The following LRMDA variants were observed in gnomAD, a reference collection of about 807,000 sequenced individuals.
The protein encoded by LRMDA is leucine rich melanocyte differentiation associated, also known as leucine-rich melanocyte differentiation-associated protein.
LRMDA carries 18 observed loss-of-function variants against 29.8 expected under a neutral mutation model. The ratio of observed to expected loss-of-function variants is 0.60; its 90% CI spans 0.42 to 0.90. The LOEUF is 0.90. LRMDA is among the 40% of genes least tolerant of loss of function. LRMDA has a pLI of 0.00. For synonymous variants in LRMDA, 125 were observed against 109.4 expected (o/e 1.14, Z -0.89); for missense variants, 273 against 273.9 (o/e 1.00, Z 0.02).
At chr10:76,034,729 T>G (rs1848211585) in intron 2 of LRMDA, among the ~76,000 whole-genome samples, 2 of 152,168 alleles carry the variant, frequency 1.3e-5, no homozygotes, top group Non-Finnish European at 2.9e-5. Flanking sequence ...CACACGGGGC[T>G]GTAATGGAAG....
At chr10:75,869,701 T>C (rs1055924062) in intron 2 of LRMDA, among the ~76,000 whole-genome samples, 2 of 152,178 alleles carry the variant, frequency 1.3e-5, no homozygotes, top group African/African-American at 4.8e-5. Flanking sequence ...GTGTGAACTC[T>C]TCAGGTTGGC....
At chr10:76,144,688 T>C (rs992576896) in intron 5 of LRMDA, among the ~76,000 whole-genome samples, 38 of 152,174 alleles carry the variant, frequency 2.5e-4, no homozygotes, top group African/African-American at 8.7e-4. Flanking sequence ...CTTTATTTCC[T>C]TCTCCTGCCT....
intron 2 of LRMDA, among the ~76,000 whole-genome samples, chr10:75,894,056 G>T (rs558903260): frequency 3.3e-5 from 5 of 151,948 alleles, no homozygotes; most frequent in African/African-American, 1.2e-4. Flanking sequence ...TAAGTTATTG[G>T]GGGTACAGGT....
At chr10:75,825,181 G>C (rs891675287) in intron 2 of LRMDA, among the ~76,000 whole-genome samples, 5 of 152,110 alleles carry the variant, frequency 3.3e-5, no homozygotes, top group Non-Finnish European at 2.9e-5. Flanking sequence ...CCACTGGAGG[G>C]TAATCAGAGA....
At chr10:75,863,557 C>T (rs917791955) in intron 2 of LRMDA, among the ~76,000 whole-genome samples, 20 of 152,248 alleles carry the variant, frequency 1.3e-4, no homozygotes, top group Admixed American at 5.9e-4. Context: ...AGGTATTTAC[C>T]GCTCTGTGCT....
chr10:76,168,704 G>A (rs1850783691), intron 5 of LRMDA, among the ~76,000 whole-genome samples: 2 of 151,948 alleles, frequency 1.3e-5, no homozygotes, highest in Admixed American at 1.3e-4. Flanking sequence ...TGTATGATGA[G>A]TAGATGAAAG....
chr10:75,565,728 C>T (rs1840363798), intron 2 of LRMDA, among the ~76,000 whole-genome samples: 1 of 152,164 alleles, frequency 6.6e-6, no homozygotes. Context: ...TTGTGAAACT[C>T]TGTACTTCCT....
chr10:75,734,794 G>A (rs1183656270), intron 2 of LRMDA, among the ~76,000 whole-genome samples: 2 of 152,148 alleles, frequency 1.3e-5, no homozygotes, highest in Non-Finnish European at 2.9e-5. Flanking sequence ...GAGTGGCCAG[G>A]ACTGGGAGAA....
At chr10:76,434,715 A>G (rs1464703461) in intron 6 of LRMDA, among the ~76,000 whole-genome samples, 2 of 152,226 alleles carry the variant, frequency 1.3e-5, no homozygotes, top group African/African-American at 4.8e-5. Context: ...TGAGCTTTCC[A>G]TCTTCAAAGA....
intron 5 of LRMDA, among the ~76,000 whole-genome samples, chr10:76,086,907 G>A (rs2132085875): frequency 6.6e-6 from 1 of 152,318 alleles, no homozygotes; most frequent in Middle Eastern, 3.4e-3. Context: ...TGGGTGGAGA[G>A]GAAGAACATT....
intron 2 of LRMDA, among the ~76,000 whole-genome samples, chr10:75,876,828 C>G (rs942019968): frequency 1.3e-5 from 2 of 152,202 alleles, no homozygotes; most frequent in African/African-American, 4.8e-5. Context: ...TTGTGAAGCA[C>G]TTTAACACCA....
chr10:75,796,348 G>A (rs1843653266), intron 2 of LRMDA, among the ~76,000 whole-genome samples: 1 of 152,038 alleles, frequency 6.6e-6, no homozygotes, highest in Non-Finnish European at 1.5e-5. Flanking sequence ...ATCAACTTGA[G>A]GAAGTTCCCT....
intron 2 of LRMDA, among the ~76,000 whole-genome samples, chr10:75,840,748 G>T (rs1486546993): frequency 1.3e-5 from 2 of 152,200 alleles, no homozygotes; most frequent in Non-Finnish European, 2.9e-5. Context: ...TTTTACAGTT[G>T]CGCCTTTCTT....
chr10:76,094,029 G>T (rs1029325983), intron 5 of LRMDA, among the ~76,000 whole-genome samples: 3 of 152,178 alleles, frequency 2.0e-5, no homozygotes, highest in Non-Finnish European at 2.9e-5. Context: ...GTCCTCTGTA[G>T]TACTTTCACA....
At chr10:76,323,093 T>C (rs1219720002) in intron 5 of LRMDA, among the ~76,000 whole-genome samples, 2 of 152,146 alleles carry the variant, frequency 1.3e-5, no homozygotes, top group Admixed American at 1.3e-4. Flanking sequence ...CCAATAGCCT[T>C]GGATCCAAAT....
chr10:76,174,583 G>A (rs1850898474), intron 5 of LRMDA, among the ~76,000 whole-genome samples: 1 of 152,104 alleles, frequency 6.6e-6, no homozygotes, highest in African/African-American at 2.4e-5. Flanking sequence ...TTACTGTGAT[G>A]GGTAAGGAAA....
chr10:75,622,063 G>A (rs957292978), intron 2 of LRMDA, among the ~76,000 whole-genome samples: 2 of 152,278 alleles, frequency 1.3e-5, no homozygotes, highest in African/African-American at 4.8e-5. Flanking sequence ...GTTGGCAATT[G>A]CCTACAGCTC....
chr10:75,856,185 T>A (rs1294146161), intron 2 of LRMDA, among the ~76,000 whole-genome samples: 61 of 152,200 alleles, frequency 4.0e-4, no homozygotes, highest in Non-Finnish European at 2.6e-4. Flanking sequence ...TATTGATTCT[T>A]CCTACCCATG....
chr10:75,811,787 C>T (rs907884938), intron 2 of LRMDA, among the ~76,000 whole-genome samples: 3 of 152,166 alleles, frequency 2.0e-5, no homozygotes, highest in African/African-American at 7.2e-5. Flanking sequence ...CACGGCAAAT[C>T]CACTTGCTGT....
Sources: gnomAD v4.1 joint callset for allele counts (sites outside exome capture counted in the v4.1 genomes callset) on GRCh38, gnomAD v4.1.1 for gene constraint, MANE v1.5 for transcripts, NCBI Gene and HGNC (gene_info 2026-07-23, HGNC 2026-07-21) for gene names.